Variants in SLC4A4 observed in about 807,000 individuals in gnomAD.
The protein encoded by SLC4A4 is electrogenic sodium bicarbonate cotransporter 1.
Under a neutral mutation model 111.5 loss-of-function variants are expected in SLC4A4, and 27 were observed. The ratio of observed to expected loss-of-function variants is 0.24; its 90% confidence interval spans 0.18 to 0.33. The LOEUF is 0.33. Ranked by LOEUF, SLC4A4 falls within the 10% of genes least tolerant of loss-of-function variation. The pLI, the probability that SLC4A4 is intolerant of heterozygous loss-of-function variation, is 1.00. For synonymous variants in SLC4A4, 443 were observed against 463.4 expected (o/e 0.96, Z 0.57); for missense variants, 909 against 1,315.5 (o/e 0.69, Z 4.78).
At chr4:71,303,689 G>T (rs933150971) in intron 3 of SLC4A4, among the ~76,000 whole-genome samples, 1 of 152,146 alleles carries the variant, frequency 6.6e-6, no homozygotes, top group Admixed American at 6.5e-5. Flanking sequence ...CAGAATTGCA[G>T]CTATAGCATC....
intron 3 of SLC4A4, among the ~76,000 whole-genome samples, chr4:71,334,860 G>A (rs984305832): frequency 4.6e-5 from 7 of 152,202 alleles, no homozygotes; most frequent in African/African-American, 1.7e-4. Context: ...GTGGAGGAGA[G>A]CCGAGCAGGG....
At chr4:71,193,477 G>A (rs137883331) in intron 1 of SLC4A4, among the ~76,000 whole-genome samples, 94 of 152,262 alleles carry the variant, frequency 6.2e-4, no homozygotes, top group African/African-American at 2.2e-3. Flanking sequence ...AATTTCAGTT[G>A]TGTGTTTTCC....
intron 1 of SLC4A4, among the ~76,000 whole-genome samples, chr4:71,086,471 G>C (rs984358200): frequency 2.6e-5 from 4 of 152,046 alleles, no homozygotes; most frequent in African/African-American, 7.2e-5. Context: ...GAGGTCATCC[G>C]TGTCTTGTGC....
chr4:71,328,452 C>T (rs1426319216), intron 3 of SLC4A4, among the ~76,000 whole-genome samples: 4 of 152,006 alleles, frequency 2.6e-5, no homozygotes, highest in Non-Finnish European at 5.9e-5. Context: ...AGTGTATGAG[C>T]GTTCCCTTTT....
chr4:71,087,310 T>G (rs1413229926), intron 1 of SLC4A4, among the ~76,000 whole-genome samples: 4 of 152,030 alleles, frequency 2.6e-5, no homozygotes, highest in Non-Finnish European at 4.4e-5. Context: ...TCTTTATTAG[T>G]CTTGCTAGCA....
Position 71,082,853 on chromosome 4 carries a change from C to CTTTT in SLC4A4, c.-64-9866_-64-9863dup, listed in dbSNP as rs34193763. On this transcript the variant is annotated intron_variant, in intron 1 of 26. Transcript: ENST00000649996. Reference sequence around the variant, plus strand: ...AGGATTTTTTTCTTCCCATAATTTTCTTTTTTTTTTTTTTGTTGGAGACAG... The same window carrying CTTTT: ...AGGATTTTTTTCTTCCCATAATTTTCTTTTTTTTTTTTTTTTTTGTTGGAGACAG... Among the ~76,000 whole-genome samples, 16 of 142,812 alleles carry CTTTT rather than the reference C, an allele frequency of 1.1e-4. 1 individual carries two copies. Among genetic ancestry groups the CTTTT allele is most frequent in the African/African-American group, 3.1e-4 (12 of 38,788 alleles). The allele number at this position is 142,812 out of a possible 152,430, so 93.7% of individuals were successfully genotyped here. A position where few individuals can be genotyped will look rare whatever the true frequency, so the allele number is the denominator to read the frequency against.
rs1728909361 is a variant in SLC4A4 at position 71,341,578 on chromosome 4, G to A, written c.389+2073G>A. Among the ~76,000 whole-genome samples, 3 of 152,162 alleles carry A rather than the reference G, an allele frequency of 2.0e-5. No homozygotes were observed. In the South Asian group the frequency reaches 6.2e-4, roughly 32 times the overall value. On this transcript the variant is annotated intron_variant, in intron 4 of 25. Coordinates refer to ENST00000264485, the MANE Select transcript of SLC4A4 (RefSeq NM_001098484.3). ...AGAGGAATAATTTTTATTTTCTGAGGCATACTTTAAAATTTCTTACATCAT... is the reference window on the plus strand; with the variant it reads ...AGAGGAATAATTTTTATTTTCTGAGACATACTTTAAAATTTCTTACATCAT...
chr4:71,081,037 A>G (rs1343795906), intron 1 of SLC4A4, among the ~76,000 whole-genome samples: 2 of 152,114 alleles, frequency 1.3e-5, no homozygotes, highest in Admixed American at 6.5e-5. Flanking sequence ...CAAAACCATC[A>G]GGAAGAAAAA....
chr4:71,208,441 A>ATATATAT lies in SLC4A4; in HGVS notation c.-2+21040_-2+21041insTATATAT, dbSNP rs751310771. ...GTGAGACTCCGTCTCAAAAAAAAAAAAAATATATATATATATAATAAAACA... is the reference window on the plus strand; with the variant it reads ...GTGAGACTCCGTCTCAAAAAAAAAAATATATATAAATATATATATATATAATAAAACA... On this transcript the variant is annotated intron_variant, in intron 1 of 25. Coordinates refer to ENST00000264485, the MANE Select transcript of SLC4A4 (RefSeq NM_001098484.3). 9.1e-3 allele frequency among the ~76,000 whole-genome samples: 1,309 copies of ATATATAT among 143,966 alleles called. 15 individuals carry two copies. Among genetic ancestry groups the ATATATAT allele is most frequent in the African/African-American group, 0.032 (1,232 of 38,650 alleles). The allele number at this position is 143,966 out of a possible 152,430, so 94.4% of individuals were successfully genotyped here. A position where few individuals can be genotyped will look rare whatever the true frequency, so the allele number is the denominator to read the frequency against.
intron 13 of SLC4A4, among the ~76,000 whole-genome samples, chr4:71,467,047 T>C (rs1397019700): frequency 6.6e-6 from 1 of 151,756 alleles, no homozygotes; most frequent in East Asian, 2.0e-4. Flanking sequence ...GCAGTGCTTA[T>C]CCCCGAGGAC....
At chr4:71,109,906 A>G (rs1393922686) in intron 2 of SLC4A4, among the ~76,000 whole-genome samples, 1 of 152,156 alleles carries the variant, frequency 6.6e-6, no homozygotes, top group East Asian at 1.9e-4. Flanking sequence ...CTTGCTCCCA[A>G]AGTTGTGTGC....
intron 2 of SLC4A4, among the ~76,000 whole-genome samples, chr4:71,153,119 C>T (rs780876759): frequency 6.6e-6 from 1 of 151,122 alleles, no homozygotes; most frequent in Non-Finnish European, 1.5e-5. Flanking sequence ...AGGCCATCTG[C>T]AGGCTGAGGA....
chr4:71,291,489 G>A (rs767397671), intron 3 of SLC4A4, among the ~76,000 whole-genome samples: 12 of 151,956 alleles, frequency 7.9e-5, no homozygotes, highest in Non-Finnish European at 1.6e-4. Flanking sequence ...ACCCAGGCTG[G>A]AGTGCAGTGG....
chr4:71,313,277 G>C (rs535618748), intron 3 of SLC4A4, among the ~76,000 whole-genome samples: 1 of 152,318 alleles, frequency 6.6e-6, no homozygotes, highest in East Asian at 1.9e-4. Context: ...GGAAATAAGA[G>C]AGGACAGAAA....
intron 3 of SLC4A4, among the ~76,000 whole-genome samples, chr4:71,327,577 C>G (rs781765841): frequency 1.1e-4 from 16 of 151,938 alleles, no homozygotes; most frequent in Non-Finnish European, 2.2e-4. Flanking sequence ...AAATGCAAAA[C>G]ATTTAACACA....
At chr4:71,339,786 T>C (rs1728737348) in intron 4 of SLC4A4, among the ~76,000 whole-genome samples, 1 of 152,214 alleles carries the variant, frequency 6.6e-6, no homozygotes, top group Admixed American at 6.5e-5. Flanking sequence ...ATTTATATAC[T>C]ATTTAATAGT....
intron 10 of SLC4A4, among the ~76,000 whole-genome samples, chr4:71,450,771 G>A (rs1300096066): frequency 6.6e-6 from 1 of 152,116 alleles, no homozygotes; most frequent in Non-Finnish European, 1.5e-5. Context: ...ATAAATTGGA[G>A]ATCTCAGATT....
intron 24 of SLC4A4, among the ~76,000 whole-genome samples, chr4:71,565,729 C>G (rs554854065): frequency 4.3e-4 from 65 of 151,910 alleles, no homozygotes; most frequent in African/African-American, 1.5e-3. Context: ...TTCTGCAAAT[C>G]TCTGTAACAA....
intron 3 of SLC4A4, among the ~76,000 whole-genome samples, chr4:71,296,532 T>TG (rs1724807375): frequency 1.3e-5 from 2 of 152,092 alleles, no homozygotes; most frequent in South Asian, 2.1e-4. Flanking sequence ...TGTATTTTTT[T>TG]GGGGGGGAAC....
Sources: allele counts gnomAD v4.1 joint callset (sites outside exome capture counted in the v4.1 genomes callset), GRCh38; gene constraint gnomAD v4.1.1; transcripts MANE v1.5; gene names NCBI Gene and HGNC (gene_info 2026-07-23, HGNC 2026-07-21).